Variants in PRKN observed in about 807,000 individuals in gnomAD.
PRKN encodes E3 ubiquitin-protein ligase parkin.
PRKN carries 56 observed loss-of-function variants against 59.5 expected under a neutral mutation model. That is an observed-to-expected ratio of 0.94 (90% CI 0.76 to 1.18). PRKN has a LOEUF of 1.18. Ranked by LOEUF, PRKN falls within the 50% of genes most tolerant of loss-of-function variation. The pLI is 0.00. For synonymous variants in PRKN, 250 were observed against 222.1 expected (o/e 1.13, Z -1.12); for missense variants, 657 against 596.4 (o/e 1.10, Z -1.06).
At chr6:161,565,909 C>T (rs1460787563) in intron 8 of PRKN, among the ~76,000 whole-genome samples, 3 of 152,146 alleles carry the variant, frequency 2.0e-5, no homozygotes, top group Non-Finnish European at 2.9e-5. Flanking sequence ...TCTGTCTCCC[C>T]CACTGTTACC....
chr6:161,554,855 TG>T lies in PRKN; in HGVS notation c.934-5853del, dbSNP rs1780175733. Among the ~76,000 whole-genome samples the T allele has an allele frequency of 6.6e-6, 1 of 151,890 alleles. No individual in the cohort carries two copies. The highest frequency in any genetic ancestry group is 2.4e-5 in the African/African-American group (1 of 41,346). ...ATATTATGGATAAGCCTGAAAATAA[TG>T]TTTTTTTCCTTTGTAAATTAATTGC... is the stretch of plus-strand genomic sequence containing the variant. On this transcript the variant is annotated intron_variant, in intron 8 of 11. Transcript: ENST00000366898. The surrounding 1 kb of genome is among the most constrained non-coding windows in gnomAD (Gnocchi z 4.5).
Position 162,142,836 on chromosome 6 carries a change from T to C in PRKN, c.534+58295A>G, listed in dbSNP as rs140074341. On this transcript the variant is annotated intron_variant, in intron 4 of 11. Transcript: ENST00000366898. ...TTTATCATCATCTCTACTACAAAGA[T>C]GGGAAATTGGAAACAGGTAAATAAT... 4.9e-4 allele frequency among the ~76,000 whole-genome samples: 74 copies of C among 152,310 alleles called. 1 individual carries two copies. In the East Asian group the frequency reaches 6.4e-3, roughly 13 times the overall value.
At chr6:161,623,076 A>G (rs1305943186) in intron 7 of PRKN, among the ~76,000 whole-genome samples, 1 of 152,220 alleles carries the variant, frequency 6.6e-6, no homozygotes, top group African/African-American at 2.4e-5. Context: ...CCTGTTTCTA[A>G]GAAAAAGATA....
chr6:161,889,548 G>T (rs1795269225), intron 6 of PRKN, among the ~76,000 whole-genome samples: 1 of 152,172 alleles, frequency 6.6e-6, no homozygotes, highest in South Asian at 2.1e-4. Flanking sequence ...CAGACTGGAG[G>T]GATGGAGGCC....
intron 2 of PRKN, among the ~76,000 whole-genome samples, chr6:162,344,367 C>T (rs1784310725): frequency 6.6e-6 from 1 of 152,108 alleles, no homozygotes; most frequent in Non-Finnish European, 1.5e-5. Flanking sequence ...CAAACTATCA[C>T]ACTGTGGTGA....
intron 5 of PRKN, among the ~76,000 whole-genome samples, chr6:162,042,655 C>T (rs1784109566): frequency 1.3e-5 from 2 of 152,074 alleles, no homozygotes; most frequent in African/African-American, 4.8e-5. Flanking sequence ...ATAAAATATC[C>T]ACATTTAAAT....
rs556077420 is a variant in PRKN, at chr6:162,506,545, A to C, written c.8-63072T>G. ...ATGGAATTGGCAACAGCAAATATGGACTTACCTTCTAAGATGTTCTGAGAC... is the reference window on the plus strand; with the variant it reads ...ATGGAATTGGCAACAGCAAATATGGCCTTACCTTCTAAGATGTTCTGAGAC... On this transcript the variant is annotated intron_variant, in intron 1 of 11. Coordinates refer to ENST00000366898, the MANE Select transcript of PRKN (RefSeq NM_004562.3). Among the ~76,000 whole-genome samples, 15 of 152,308 alleles carry C rather than the reference A, an allele frequency of 9.8e-5. No individual in the cohort carries two copies. The East Asian group carries it at 2.9e-3, about 29-fold the overall frequency.
intron 6 of PRKN, among the ~76,000 whole-genome samples, chr6:161,924,747 A>G (rs116050970): frequency 0.015 from 2,238 of 152,364 alleles, 51 homozygotes; most frequent in African/African-American, 0.051. Context: ...GCTGTTAAAA[A>G]AAATGAGGGA....
intron 2 of PRKN, among the ~76,000 whole-genome samples, chr6:162,364,214 C>T (rs1193908103): frequency 6.6e-6 from 1 of 152,176 alleles, no homozygotes; most frequent in African/African-American, 2.4e-5. Context: ...AACTGGTATT[C>T]AATGTATCCA....
chr6:162,337,842 G>T (rs755336623), intron 2 of PRKN, among the ~76,000 whole-genome samples: 4 of 152,110 alleles, frequency 2.6e-5, no homozygotes, highest in Non-Finnish European at 5.9e-5. Flanking sequence ...AATGGAATGG[G>T]ATTATAGGAT....
intron 7 of PRKN, among the ~76,000 whole-genome samples, chr6:161,658,033 A>G (rs1485186149): frequency 7.0e-5 from 7 of 100,686 alleles, no homozygotes; most frequent in African/African-American, 2.1e-4. Flanking sequence ...AAAAAAAAAA[A>G]AGAAAAGAAA....
intron 7 of PRKN, among the ~76,000 whole-genome samples, chr6:161,630,178 T>G (rs1336625219): frequency 6.6e-6 from 1 of 152,198 alleles, no homozygotes; most frequent in Non-Finnish European, 1.5e-5. Flanking sequence ...GGGAAACTCA[T>G]AATATAATAT....
chr6:161,797,110 AC>A (rs1183998906), intron 6 of PRKN, among the ~76,000 whole-genome samples: 3 of 152,226 alleles, frequency 2.0e-5, no homozygotes, highest in Non-Finnish European at 4.4e-5. Context: ...TATTTCAGAC[AC>A]AGAGTGGTTT....
intron 1 of PRKN, among the ~76,000 whole-genome samples, chr6:162,646,299 G>C (rs1171247206): frequency 6.6e-6 from 1 of 151,214 alleles, no homozygotes; most frequent in Non-Finnish European, 1.5e-5. Context: ...CATAGACAGA[G>C]TCTCTCTCTT....
rs367552609 is a variant in PRKN at position 162,287,537 on chromosome 6, C to T, written c.172-24772G>A. On this transcript the variant is annotated intron_variant, in intron 2 of 11. Transcript: ENST00000366898. ...GAGCCATGATCATGCCACTGCACTC[C>T]AGCCCGGGCAACAGAGAGAGACCTT... Among the ~76,000 whole-genome samples the T allele has an allele frequency of 2.7e-3, 408 of 152,210 alleles. 17 individuals are homozygous for T. In the South Asian group the frequency reaches 0.081, roughly 30 times the overall value.
chr6:162,236,661 G>A (rs1467228452), intron 3 of PRKN, among the ~76,000 whole-genome samples: 1 of 151,946 alleles, frequency 6.6e-6, no homozygotes, highest in African/African-American at 2.4e-5. Context: ...TGGGCATGAT[G>A]GCACATGACT....
intron 1 of PRKN, among the ~76,000 whole-genome samples, chr6:162,599,953 G>A (rs572519549): frequency 6.6e-6 from 1 of 152,104 alleles, no homozygotes; most frequent in Admixed American, 6.6e-5. Context: ...CCAAATACCA[G>A]GCCAGGTAAC....
chr6:162,221,632 C>T (rs1777939377), intron 3 of PRKN, among the ~76,000 whole-genome samples: 1 of 152,136 alleles, frequency 6.6e-6, no homozygotes, highest in South Asian at 2.1e-4. Context: ...CAAAATTTGA[C>T]ATAGACTATG....
intron 5 of PRKN, among the ~76,000 whole-genome samples, chr6:162,040,855 AAAC>A (rs771952758): frequency 2.0e-5 from 3 of 152,018 alleles, no homozygotes; most frequent in Non-Finnish European, 4.4e-5. Context: ...TGAGGAAGAA[AAAC>A]AACAAGAATC....
Sources: allele counts gnomAD v4.1 joint callset (sites outside exome capture counted in the v4.1 genomes callset), GRCh38; gene constraint gnomAD v4.1.1; non-coding constraint Gnocchi (gnomAD v3.1); transcripts MANE v1.5; gene names NCBI Gene and HGNC (gene_info 2026-07-23, HGNC 2026-07-21).